The following HLCS variants were observed in gnomAD, a reference collection of about 807,000 sequenced individuals.
The protein encoded by HLCS is biotin--protein ligase.
A neutral mutation model predicts 75.0 loss-of-function variants in HLCS; 53 were observed. The ratio of observed to expected loss-of-function variants is 0.71; its 90% CI spans 0.57 to 0.89. The LOEUF (loss-of-function observed/expected upper bound fraction) is 0.89. Among genes scored for constraint, HLCS ranks in the 40% least tolerant of loss-of-function variants. The probability of loss-of-function intolerance (pLI) is 0.00; values close to 1 mark genes in which losing one functional copy is unlikely to be tolerated. For missense variants in HLCS, 966 were observed against 1,074.0 expected (o/e 0.90, Z 1.41); for synonymous variants, 431 against 428.6 (o/e 1.01, Z -0.07).
rs1337252866 is a variant in HLCS, at chr21:36,888,441, AAAAAATATATATAT to A, written c.1892+8405_1892+8418del. On this transcript the variant is annotated intron_variant, in intron 6 of 10. Transcript: ENST00000674895. ...CTGCCCCCTTCCCATTTAAAAAAAA[AAAAAATATATATAT>A]ATATATATATATATATATATATATA... Among the ~76,000 whole-genome samples the A allele has an allele frequency of 2.4e-3, 77 of 31,536 alleles. 1 individual carries two copies. The highest frequency in any genetic ancestry group is 7.3e-3 in the African/African-American group (71 of 9,668). 20.7% of individuals were successfully genotyped at this position (31,536 alleles called of 152,430 possible).
In HLCS at chr21:36,896,949, C is replaced by T; in HGVS notation, c.1803G>A (p.Glu601=). ...EAFSSEHFNL[E]IYRQNLQTKQ... ...TGGTCTGCAGATTTTGGCGATAGATCTCTAAGTTGAAATGTTCTGATGAGA... is the reference window on the plus strand; with the variant it reads ...TGGTCTGCAGATTTTGGCGATAGATTTCTAAGTTGAAATGTTCTGATGAGA... Residue 601 remains glutamate (E), a synonymous_variant, in exon 6 of 11, where the codon GAG becomes GAA. Coordinates refer to ENST00000674895, the MANE Select transcript of HLCS (RefSeq NM_001352514.2). 1 of 1,614,184 alleles carries T rather than the reference C, an allele frequency of 6.2e-7. No homozygotes were observed. Among genetic ancestry groups the T allele is most frequent in the East Asian group, 2.2e-5 (1 of 44,882 alleles).
At chr21:36,866,835 G>C (rs1235781231) in intron 6 of HLCS, among the ~76,000 whole-genome samples, 1 of 148,480 alleles carries the variant, frequency 6.7e-6, no homozygotes. Flanking sequence ...CCAAGAATTT[G>C]AGTAGTTTTT....
chr21:36,933,589 C>T (rs1390760354), intron 4 of HLCS, among the ~76,000 whole-genome samples: 3 of 149,242 alleles, frequency 2.0e-5, no homozygotes, highest in African/African-American at 4.9e-5. Flanking sequence ...GTATCCTACT[C>T]AGTGCACTTC....
intron 6 of HLCS, among the ~76,000 whole-genome samples, chr21:36,875,374 C>A (rs2063929264): frequency 6.6e-6 from 1 of 152,218 alleles, no homozygotes; most frequent in South Asian, 2.1e-4. Flanking sequence ...AAGGACCAGT[C>A]AGCACACACT....
intron 2 of HLCS, among the ~76,000 whole-genome samples, chr21:36,953,274 T>C (rs2067758093): frequency 6.6e-6 from 1 of 152,252 alleles, no homozygotes; most frequent in African/African-American, 2.4e-5. Flanking sequence ...ATCACAGTTT[T>C]AAAGAGGAAA....
At chr21:36,852,760 C>T (rs2063056501) in intron 6 of HLCS, among the ~76,000 whole-genome samples, 1 of 152,116 alleles carries the variant, frequency 6.6e-6, no homozygotes, top group South Asian at 2.1e-4. Flanking sequence ...AGTCCTAGTG[C>T]ACAATAGGTA....
At chr21:36,825,374 T>C (rs1569063915) in intron 6 of HLCS, among the ~76,000 whole-genome samples, 1 of 152,046 alleles carries the variant, frequency 6.6e-6, no homozygotes, top group Non-Finnish European at 1.5e-5. Context: ...GACAACAGAG[T>C]GAGACTCTAT....
intron 4 of HLCS, among the ~76,000 whole-genome samples, chr21:36,931,283 C>CAAAAAAAA (rs57829948): frequency 5.3e-5 from 4 of 75,440 alleles, no homozygotes; most frequent in Non-Finnish European, 7.4e-5. Flanking sequence ...AACTCCATCG[C>CAAAAAAAA]AAAAAAAAAA....
chr21:36,912,890 A>T (rs879811623), intron 5 of HLCS, among the ~76,000 whole-genome samples: 2 of 152,186 alleles, frequency 1.3e-5, no homozygotes, highest in Admixed American at 1.3e-4. Flanking sequence ...TATCACTAAG[A>T]GAGGCCACTC....
intron 6 of HLCS, among the ~76,000 whole-genome samples, chr21:36,797,441 G>A (rs1452247804): frequency 6.6e-6 from 1 of 151,392 alleles, no homozygotes; most frequent in Admixed American, 6.6e-5. Flanking sequence ...TTTTCTCCTA[G>A]CTTTGCTTAT....
intron 6 of HLCS, among the ~76,000 whole-genome samples, chr21:36,829,059 G>T (rs1381643227): frequency 6.6e-6 from 1 of 152,154 alleles, no homozygotes; most frequent in Non-Finnish European, 1.5e-5. Context: ...GCCCCTTACT[G>T]GTTTTCATGG....
intron 6 of HLCS, among the ~76,000 whole-genome samples, chr21:36,771,218 T>TCAAATAAATAAATAAA (rs1466407798): frequency 8.2e-5 from 10 of 121,500 alleles, no homozygotes; most frequent in African/African-American, 4.4e-4. Flanking sequence ...AGACTCCGTC[T>TCAAATAAATAAATAAA]CAAATAAATA....
intron 2 of HLCS, among the ~76,000 whole-genome samples, chr21:36,948,957 T>C (rs1434371045): frequency 1.3e-5 from 2 of 151,972 alleles, no homozygotes; most frequent in Non-Finnish European, 2.9e-5. Flanking sequence ...ATACAAATAT[T>C]ATGAGAATAA....
chr21:36,841,632 T>C (rs2062620249), intron 6 of HLCS, among the ~76,000 whole-genome samples: 1 of 152,218 alleles, frequency 6.6e-6, no homozygotes, highest in Non-Finnish European at 1.5e-5. Context: ...GGCAAAACAC[T>C]ATCATCTTCA....
intron 6 of HLCS, among the ~76,000 whole-genome samples, chr21:36,825,756 T>C (rs1196771612): frequency 6.6e-6 from 1 of 152,148 alleles, no homozygotes; most frequent in Non-Finnish European, 1.5e-5. Flanking sequence ...ACAGCATGAC[T>C]CTGGGGATAC....
intron 6 of HLCS, among the ~76,000 whole-genome samples, chr21:36,795,092 C>T (rs753635890): frequency 3.3e-5 from 5 of 152,042 alleles, no homozygotes; most frequent in South Asian, 4.1e-4. Context: ...GGTCAGCCAG[C>T]GAATGAGTTG....
intron 6 of HLCS, among the ~76,000 whole-genome samples, chr21:36,788,336 C>T (rs1462436533): frequency 6.6e-6 from 1 of 152,194 alleles, no homozygotes; most frequent in East Asian, 1.9e-4. Flanking sequence ...CACCGCACAG[C>T]GACCCTTTGT....
chr21:36,808,715 G>A (rs1381170638), intron 6 of HLCS, among the ~76,000 whole-genome samples: 1 of 152,176 alleles, frequency 6.6e-6, no homozygotes, highest in Non-Finnish European at 1.5e-5. Flanking sequence ...AGTATTTTGT[G>A]TTGATCCAAA....
rs1349979479 is a variant in HLCS, at chr21:36,941,996, A to G, written c.331-3002T>C. 2.0e-5 allele frequency among the ~76,000 whole-genome samples: 3 copies of G among 150,752 alleles called. No individual in the cohort carries two copies. In the East Asian group the frequency reaches 5.9e-4, roughly 29 times the overall value. On this transcript the variant is annotated intron_variant, in intron 2 of 10. Coordinates refer to ENST00000674895, the MANE Select transcript of HLCS (RefSeq NM_001352514.2). ...CACTCCAGCCTGGGCAATGAGAGCGAAACTGTCTCAAAAAAAAAAATACAA... is the reference window on the plus strand; with the variant it reads ...CACTCCAGCCTGGGCAATGAGAGCGGAACTGTCTCAAAAAAAAAAATACAA...
Sources: gnomAD v4.1 joint callset for allele counts (sites outside exome capture counted in the v4.1 genomes callset) on GRCh38, gnomAD v4.1.1 for gene constraint, MANE v1.5 for transcripts, NCBI Gene and HGNC (gene_info 2026-07-23, HGNC 2026-07-21) for gene names.